Variants in ALK observed in about 807,000 individuals in gnomAD.
ALK encodes the protein ALK tyrosine kinase receptor.
Under a neutral mutation model 163.1 loss-of-function variants are expected in ALK, and 74 were observed. The ratio of observed to expected loss-of-function variants is 0.45; its 90% CI spans 0.38 to 0.55. The LOEUF (loss-of-function observed/expected upper bound fraction) is 0.55. Ranked by LOEUF, ALK falls within the 20% of genes least tolerant of loss-of-function variation. ALK has a pLI of 0.00. For synonymous variants in ALK, 960 were observed against 843.2 expected (o/e 1.14, Z -2.40); for missense variants, 2,063 against 2,105.3 (o/e 0.98, Z 0.39).
At chr2:29,447,867 G>T (rs1420028125) in intron 4 of ALK, among the ~76,000 whole-genome samples, 2 of 152,032 alleles carry the variant, frequency 1.3e-5, no homozygotes, top group Non-Finnish European at 2.9e-5. Flanking sequence ...TGAGTTTTTC[G>T]GCAAAATTTA....
chr2:29,296,733 G>A (rs1416805747), intron 9 of ALK, among the ~76,000 whole-genome samples, 155 bp downstream of exon 9: 1 of 152,150 alleles, frequency 6.6e-6, no homozygotes, highest in African/African-American at 2.4e-5. Context: ...GTGTGTGTGT[G>A]TGTGTGTGCA....
chr2:29,442,112 C>G (rs1670560045), intron 4 of ALK, among the ~76,000 whole-genome samples: 1 of 71,666 alleles, frequency 1.4e-5, no homozygotes, highest in South Asian at 5.7e-4. Context: ...CCATATCCTG[C>G]CTACCCTCTG....
Position 29,694,950 on chromosome 2 carries a change from C to A in ALK, c.852G>T (p.Arg284Ser), listed in dbSNP as rs949341617. 2 of 1,613,968 alleles carry A rather than the reference C, an allele frequency of 1.2e-6. No homozygotes were observed. The highest frequency in any genetic ancestry group is 1.7e-6 in the Non-Finnish European group (2 of 1,179,998). The change falls in exon 3 of 29, where the codon AGG becomes AGT. Residue 284 changes from arginine (R) to serine (S), a missense_variant. This residue lies in a region of ALK where 987 missense variants were observed against 939.5 expected (regional missense o/e 1.05). Coordinates refer to ENST00000389048, the MANE Select transcript of ALK (RefSeq NM_004304.5). ...LEYSPPLHDL[R>S]NQSWSWRRIP... ...TGCGGCGCCAGGACCAGCTCTGGTT[C>A]CTGAGGTCATGCAGTGGAGGGGAAT...
At chr2:29,330,581 AC>A (rs758044107) in intron 5 of ALK, among the ~76,000 whole-genome samples, 1 of 152,064 alleles carries the variant, frequency 6.6e-6, no homozygotes, top group Admixed American at 6.5e-5. Context: ...GGAATAGCAG[AC>A]CCCCAAATAG....
At position 29,277,817 on chromosome 2, in the gene ALK, T is replaced by C. The variant is rs1665586419; in HGVS notation, c.1818-2321A>G. Among the ~76,000 whole-genome samples the C allele has an allele frequency of 3.3e-5, 5 of 152,254 alleles. No homozygotes were observed. In the South Asian group the frequency reaches 1.0e-3, roughly 31 times the overall value. ...CCCTCAGCCCCTGCCACTCTGGCAC[T>C]GGGGTGTATGCCTCTGAGAGGCATC... On this transcript the variant is annotated intron_variant, in intron 9 of 28. Transcript: ENST00000389048.
chr2:29,325,485 G>A (rs573343776), intron 6 of ALK, among the ~76,000 whole-genome samples: 28 of 152,308 alleles, frequency 1.8e-4, no homozygotes, highest in Admixed American at 1.4e-3. Context: ...TGAGGAACCC[G>A]AGACCCAGAG....
chr2:29,434,171 A>C (rs769619356), intron 4 of ALK, among the ~76,000 whole-genome samples: 1 of 152,198 alleles, frequency 6.6e-6, no homozygotes, highest in African/African-American at 2.4e-5. Context: ...GGAATGCATA[A>C]AATTTTTAAC....
At chr2:29,574,821 A>T (rs983682889) in intron 3 of ALK, among the ~76,000 whole-genome samples, 1 of 152,206 alleles carries the variant, frequency 6.6e-6, no homozygotes, top group Non-Finnish European at 1.5e-5. Context: ...TCTGCTCTGG[A>T]AAATGGGACG....
At chr2:29,422,723 T>A (rs914944846) in intron 4 of ALK, among the ~76,000 whole-genome samples, 2 of 152,242 alleles carry the variant, frequency 1.3e-5, no homozygotes, top group Non-Finnish European at 2.9e-5. Context: ...TATTTCTTCA[T>A]GAGAGTCCTC....
chr2:29,537,773 G>A (rs908003830), intron 3 of ALK, among the ~76,000 whole-genome samples: 1 of 152,246 alleles, frequency 6.6e-6, no homozygotes, highest in Non-Finnish European at 1.5e-5. Flanking sequence ...ATCTGTGGGA[G>A]CAGCCATGGA....
At chr2:29,886,160 C>T (rs1382384037) in intron 1 of ALK, among the ~76,000 whole-genome samples, 1 of 152,074 alleles carries the variant, frequency 6.6e-6, no homozygotes, top group East Asian at 1.9e-4. Context: ...ATTTCCTTTC[C>T]TCTGGCTTAT....
chr2:29,501,266 T>G (rs1672166892), intron 4 of ALK, among the ~76,000 whole-genome samples: 1 of 152,208 alleles, frequency 6.6e-6, no homozygotes, highest in Non-Finnish European at 1.5e-5. Flanking sequence ...AATGTCAATG[T>G]CTTATTCCTC....
chr2:29,350,173 G>A (rs1558687995), intron 5 of ALK, among the ~76,000 whole-genome samples: 1 of 152,200 alleles, frequency 6.6e-6, no homozygotes, highest in Non-Finnish European at 1.5e-5. Context: ...GGGTTTCTGG[G>A]ATTAGAACTA....
chr2:29,468,018 T>C (rs1489599627), intron 4 of ALK, among the ~76,000 whole-genome samples: 1 of 151,734 alleles, frequency 6.6e-6, no homozygotes, highest in African/African-American at 2.4e-5. Context: ...AACAAAATTC[T>C]TTGGGGTCCT....
rs1665868517 is a variant in ALK, at chr2:29,286,805, GAGA to G, written c.1817+10080_1817+10082del. ...CAGCCTTGAGTTATGAGGCTTTGTG[GAGA>G]AGAAGCGTGATCAATGCTCAGCATA... On this transcript the variant is annotated intron_variant, in intron 9 of 28. Transcript: ENST00000389048. 2.0e-5 allele frequency: 3 copies of G among 152,156 alleles called. No individual in the cohort carries two copies. The South Asian group carries it at 6.2e-4, about 32-fold the overall frequency. The allele number at this position is 152,156 out of a possible 1,614,324, so 9.4% of individuals were successfully genotyped here. A position where few individuals can be genotyped will look rare whatever the true frequency, so the allele number is the denominator to read the frequency against.
At chr2:29,701,051 A>T (rs1317753611) in intron 2 of ALK, among the ~76,000 whole-genome samples, 3 of 152,294 alleles carry the variant, frequency 2.0e-5, no homozygotes, top group East Asian at 3.9e-4. Flanking sequence ...ACTCAAGGAG[A>T]TTGCATGTAG....
intron 5 of ALK, among the ~76,000 whole-genome samples, chr2:29,357,792 A>G (rs1392774699): frequency 6.6e-6 from 1 of 152,200 alleles, no homozygotes; most frequent in African/African-American, 2.4e-5. Flanking sequence ...CTAAGCTATG[A>G]TCTTCCTGGA....
intron 3 of ALK, among the ~76,000 whole-genome samples, chr2:29,549,017 CAG>C (rs1195929422): frequency 2.3e-5 from 3 of 132,724 alleles, no homozygotes; most frequent in Non-Finnish European, 3.4e-5. Context: ...CAGCACTAAA[CAG>C]AGAGGAGGAG....
intron 3 of ALK, among the ~76,000 whole-genome samples, chr2:29,667,497 C>A (rs1252175623): frequency 6.6e-6 from 1 of 151,526 alleles, no homozygotes; most frequent in Non-Finnish European, 1.5e-5. Flanking sequence ...CCTTCTATCT[C>A]CACTTTGATG....
Sources: allele counts gnomAD v4.1 joint callset (sites outside exome capture counted in the v4.1 genomes callset), GRCh38; gene constraint gnomAD v4.1.1; regional missense constraint gnomAD v4.1.1; transcripts MANE v1.5; gene names NCBI Gene and HGNC (gene_info 2026-07-23, HGNC 2026-07-21).